Variants in DOP1A observed in about 807,000 individuals in gnomAD.
DOP1A encodes the protein protein DOP1A.
In DOP1A, 90 loss-of-function variants were observed where a neutral mutation model predicts 267.6. The observed-to-expected ratio is 0.34, with a 90% CI of 0.28 to 0.40. The LOEUF (loss-of-function observed/expected upper bound fraction) is 0.40. Ranked by LOEUF, DOP1A falls within the 10% of genes least tolerant of loss-of-function variation. The pLI, the probability that DOP1A is intolerant of heterozygous loss-of-function variation, is 1.00. For missense variants in DOP1A, 2,437 were observed against 2,900.4 expected, an observed-to-expected ratio of 0.84 and a Z score of 3.67; for synonymous variants, 932 against 999.1, an observed-to-expected ratio of 0.93 and a Z score of 1.27.
intron 1 of DOP1A, among the ~76,000 whole-genome samples, chr6:83,071,161 T>C (rs1261187108): frequency 1.3e-5 from 2 of 152,206 alleles, no homozygotes; most frequent in Admixed American, 1.3e-4. Context: ...GGCACCAAAC[T>C]GAGACTTTCT....
At chr6:83,086,770 G>A (rs777644339) in intron 1 of DOP1A, among the ~76,000 whole-genome samples, 1 of 152,088 alleles carries the variant, frequency 6.6e-6, no homozygotes, top group East Asian at 1.9e-4. Context: ...GGCATTTCAC[G>A]GAGTCTGAAG....
intron 26 of DOP1A, among the ~76,000 whole-genome samples, chr6:83,147,639 C>G (rs149211246): frequency 1.1e-4 from 16 of 152,298 alleles, no homozygotes; most frequent in African/African-American, 3.6e-4. Flanking sequence ...TTGCGTTTAA[C>G]TGACCTGTGA....
chr6:83,121,192 C>T (rs1015251482), intron 10 of DOP1A, among the ~76,000 whole-genome samples: 1 of 151,666 alleles, frequency 6.6e-6, no homozygotes, highest in African/African-American at 2.4e-5. Context: ...TCTCTTTATC[C>T]ATTGTATATT....
At chr6:83,169,827 C>G (rs1025106897), downstream of DOP1A, 1 of 457,214 alleles carries the variant, frequency 2.2e-6, no homozygotes, top group African/African-American at 2.0e-5. Context: ...AAATCCAGAC[C>G]ACAAGTCTTG....
At chr6:83,157,613 C>G (rs927093) in intron 35 of DOP1A, among the ~76,000 whole-genome samples, 1 of 152,168 alleles carries the variant, frequency 6.6e-6, no homozygotes, top group African/African-American at 2.4e-5. Flanking sequence ...CTGTCATGGC[C>G]TACAGTCCTG....
At chr6:83,113,522 G>A (rs1774911420) in intron 7 of DOP1A, 101 bp downstream of exon 7, 1 of 871,954 alleles carries the variant, frequency 1.1e-6, no homozygotes, top group East Asian at 2.6e-5. Context: ...AATTCTTCTT[G>A]TATAAATCAG....
At chr6:83,141,232 A>G (rs546330485) in intron 23 of DOP1A, among the ~76,000 whole-genome samples, 2 of 152,348 alleles carry the variant, frequency 1.3e-5, no homozygotes, top group East Asian at 1.9e-4. Flanking sequence ...AACAAATACC[A>G]TATTTTCAAT....
intron 27 of DOP1A, among the ~76,000 whole-genome samples, chr6:83,150,546 T>G (rs752666370): frequency 1.5e-4 from 23 of 152,232 alleles, no homozygotes; most frequent in Non-Finnish European, 3.2e-4. Context: ...TTTACCTTTT[T>G]GCCAACCATT....
At chr6:83,113,535 A>G (rs1478586404) in intron 7 of DOP1A, 114 bp downstream of exon 7, 12 of 761,628 alleles carry the variant, frequency 1.6e-5, no homozygotes, top group Middle Eastern at 2.7e-4. Context: ...TAAATCAGTA[A>G]GCGCATGGAA....
intron 36 of DOP1A, 124 bp from the exon 37 acceptor site, chr6:83,159,672 G>T: frequency 9.6e-7 from 1 of 1,042,848 alleles, no homozygotes; most frequent in Non-Finnish European, 1.4e-6. Context: ...ACCTTGCTTA[G>T]CAATTACTGG....
At chr6:83,139,339 G>C (rs1779270204) in intron 21 of DOP1A, among the ~76,000 whole-genome samples, 177 bp downstream of exon 21, 1 of 152,090 alleles carries the variant, frequency 6.6e-6, no homozygotes, top group Non-Finnish European at 1.5e-5. Context: ...ATCAGTAAAA[G>C]AATCTAGAAT....
intron 1 of DOP1A, among the ~76,000 whole-genome samples, chr6:83,081,764 G>T (rs1258320849): frequency 6.6e-6 from 1 of 152,132 alleles, no homozygotes; most frequent in Non-Finnish European, 1.5e-5. Context: ...CTACTTACAG[G>T]ATGGGAGAAA....
chr6:83,071,503 C>T (rs761482505), intron 1 of DOP1A, among the ~76,000 whole-genome samples: 105 of 152,208 alleles, frequency 6.9e-4, no homozygotes, highest in South Asian at 1.5e-3. Flanking sequence ...CCACTGTGTC[C>T]GGCCCCTCCT....
At chr6:83,157,436 G>A in intron 35 of DOP1A, 118 bp downstream of exon 35, 1 of 1,052,844 alleles carries the variant, frequency 9.5e-7, no homozygotes. Context: ...AGTTAAACCA[G>A]TTACTGATGC....
rs544688632 is a variant in DOP1A, at chr6:83,168,144, C to G, written c.7375C>G (p.Leu2459Val). ...KIEEMVEKDF[L>V]EGMIKT The stretch of plus-strand genomic sequence containing the variant: ...AGAAGAGATGGTAGAAAAAGATTTT[C>G]TGGAAGGGATGATAAAAACTTGAGC... Residue 2459 changes from leucine (L) to valine (V), a missense_variant, in exon 39 of 39, where the codon CTG becomes GTG. By Grantham distance (32) the Leu-to-Val change is conservative. This residue lies in a region of DOP1A where 197 missense variants were observed against 246.5 expected (regional missense o/e 0.80). Coordinates refer to ENST00000349129, the MANE Select transcript of DOP1A (RefSeq NM_015018.4). 1 of 1,612,382 alleles carries G rather than the reference C, an allele frequency of 6.2e-7. No homozygotes were observed. Among genetic ancestry groups the G allele is most frequent in the Middle Eastern group, 1.6e-4 (1 of 6,068 alleles).
chr6:83,075,331 G>A (rs187660157), intron 1 of DOP1A, among the ~76,000 whole-genome samples: 145 of 152,230 alleles, frequency 9.5e-4, no homozygotes, highest in African/African-American at 3.2e-3. Flanking sequence ...CTGTTATAGC[G>A]ATTACCACCC....
chr6:83,144,990 C>A (rs1188877719), intron 24 of DOP1A, among the ~76,000 whole-genome samples: 1 of 146,488 alleles, frequency 6.8e-6, no homozygotes, highest in Admixed American at 7.2e-5. Flanking sequence ...GTGGTCTCAG[C>A]TACTCAGGAG....
chr6:83,128,197 A>G (rs952574434), intron 15 of DOP1A, among the ~76,000 whole-genome samples: 4 of 152,208 alleles, frequency 2.6e-5, no homozygotes, highest in Non-Finnish European at 5.9e-5. Context: ...ATTCTTACAT[A>G]TAACTTTTAC....
intron 9 of DOP1A, 77 bp downstream of exon 9, chr6:83,119,934 C>CA: frequency 1.4e-5 from 17 of 1,189,674 alleles, no homozygotes; most frequent in Non-Finnish European, 1.7e-5. Flanking sequence ...CGAGGTCTTG[C>CA]CTTAATTGAA....
Sources: allele counts gnomAD v4.1 joint callset (sites outside exome capture counted in the v4.1 genomes callset), GRCh38; gene constraint gnomAD v4.1.1; regional missense constraint gnomAD v4.1.1; transcripts MANE v1.5; gene names NCBI Gene and HGNC (gene_info 2026-07-23, HGNC 2026-07-21).